The following TRIOBP variants were observed in gnomAD, a reference collection of about 807,000 sequenced individuals.
The protein encoded by TRIOBP is TRIO and F-actin binding protein.
TRIOBP carries 169 observed loss-of-function variants against 238.8 expected under a neutral mutation model. The ratio of observed to expected loss-of-function variants is 0.71; its 90% confidence interval spans 0.62 to 0.80. TRIOBP has a LOEUF of 0.80. Ranked by LOEUF, TRIOBP falls within the 30% of genes least tolerant of loss-of-function variation. The probability of loss-of-function intolerance (pLI) is 0.00; values close to 1 mark genes in which losing one functional copy is unlikely to be tolerated. For synonymous variants in TRIOBP, 1,150 were observed against 1,274.4 expected (o/e 0.90, Z 2.08); for missense variants, 2,838 against 3,122.6 (o/e 0.91, Z 2.17).
chr22:37,756,322 G>A (rs749664198), intron 15 of TRIOBP, among the ~76,000 whole-genome samples: 77 of 152,098 alleles, frequency 5.1e-4, no homozygotes, highest in Non-Finnish European at 1.3e-4. Context: ...TCAGCTGGCC[G>A]TGGTAGGGTG....
chr22:37,746,232 A>AT, intron 11 of TRIOBP: 1 of 1,080,920 alleles, frequency 9.3e-7, no homozygotes, highest in African/African-American at 1.7e-5. Flanking sequence ...AAAAAAAAAA[A>AT]GTTTTATGGG....
chr22:37,700,092 G>T (rs904615781), intron 2 of TRIOBP, among the ~76,000 whole-genome samples: 1 of 151,426 alleles, frequency 6.6e-6, no homozygotes, highest in Non-Finnish European at 1.5e-5. Flanking sequence ...GGCCAGGCTG[G>T]TCTTGAACTC....
At chr22:37,709,938 C>A (rs766595079) in intron 3 of TRIOBP, among the ~76,000 whole-genome samples, 1 of 152,226 alleles carries the variant, frequency 6.6e-6, no homozygotes, top group Non-Finnish European at 1.5e-5. Flanking sequence ...TCCCTCAGAC[C>A]TCTCCCTTCT....
chr22:37,723,506 AGG>A lies in TRIOBP; in HGVS notation c.951_952del (p.Asp318HisfsTer3), dbSNP rs1217068355. 6.8e-6 allele frequency: 11 copies of A among 1,613,098 alleles called. No individual in the cohort carries two copies. The highest frequency in any genetic ancestry group is 9.3e-6 in the Non-Finnish European group (11 of 1,179,712). On this transcript the variant is annotated frameshift_variant, in exon 7 of 24. Coordinates refer to ENST00000644935, the MANE Select transcript of TRIOBP (RefSeq NM_001039141.3). LOFTEE classifies it high-confidence loss of function. ...ACCTCCAGGGCCTCATCCACCCAAG[AGG>A]ACACCCCTAGGGCCTCATCCACCCA...
chr22:37,719,491 T>C (rs1411261104), intron 6 of TRIOBP, among the ~76,000 whole-genome samples: 1 of 152,060 alleles, frequency 6.6e-6, no homozygotes, highest in East Asian at 1.9e-4. Flanking sequence ...GATGGAGATG[T>C]GGCATCTTCA....
chr22:37,746,072 G>C, intron 11 of TRIOBP: 7 of 460,646 alleles, frequency 1.5e-5, no homozygotes, highest in Non-Finnish European at 1.9e-5. Context: ...CCGCCGCCCC[G>C]CCGCCCTAGC....
At chr22:37,726,967 TGCAATCTCG>T (rs1345307471) in intron 7 of TRIOBP, among the ~76,000 whole-genome samples, 1 of 151,276 alleles carries the variant, frequency 6.6e-6, no homozygotes, top group Admixed American at 6.6e-5. Context: ...AGCGCAATGG[TGCAATCTCG>T]GCTCACTGCA....
chr22:37,765,664 C>T lies in TRIOBP; in HGVS notation c.6325-6C>T. ...AGCCTGTGACACCCTGGCGTCCGGC[C>T]CACAGGAGGCATGTGAGCGCAGCCT... On this transcript the variant is annotated splice_polypyrimidine_tract_variant and splice_region_variant and intron_variant, in intron 17 of 23. Coordinates refer to ENST00000644935, the MANE Select transcript of TRIOBP (RefSeq NM_001039141.3). 6.5e-7 allele frequency: 1 copy of T among 1,549,572 alleles called. No homozygotes were observed. Among genetic ancestry groups the T allele is most frequent in the Non-Finnish European group, 8.7e-7 (1 of 1,147,016 alleles).
rs771274792 is a variant in TRIOBP at position 37,726,347 on chromosome 22, A to G, written c.3791A>G (p.Asn1264Ser). ...GSAPPGETRH[N>S]LEREEYTVLA... ...GCGCCTCCCGGGGAGACCAGGCACA[A>G]CTTGGAGCGGGAGGAGTACACTGTG... is the stretch of plus-strand genomic sequence containing the variant. The change falls in exon 7 of 24, where the codon AAC becomes AGC. Residue 1264 changes from asparagine (N) to serine (S), a missense_variant. Around this residue, in one of 5 missense-constraint regions of TRIOBP, gnomAD observed 2,096 missense variants for 2,137.4 expected, o/e 0.98. Transcript: ENST00000644935. 2 of 1,610,122 alleles carry G rather than the reference A, an allele frequency of 1.2e-6. No homozygotes were observed.
rs766568794 is a variant in TRIOBP, at chr22:37,755,095, C to A, written c.5488-6C>A. 9.1e-5 allele frequency: 146 copies of A among 1,595,704 alleles called. No individual in the cohort carries two copies. The highest frequency in any genetic ancestry group is 1.2e-4 in the Non-Finnish European group (141 of 1,171,730). On this transcript the variant is annotated splice_polypyrimidine_tract_variant and splice_region_variant and intron_variant, in intron 13 of 23. Transcript: ENST00000644935. ...ACACGGACCATAGTGGGCCCTCTTG[C>A]TCCAGGCAGATGAGCTGGATGGTGA...
intron 17 of TRIOBP, 126 bp downstream of exon 17, chr22:37,759,390 G>C: frequency 7.9e-7 from 1 of 1,267,864 alleles, no homozygotes; most frequent in East Asian, 2.3e-5. Context: ...CATTTGACAT[G>C]CGTCATCTCA....
intron 6 of TRIOBP, among the ~76,000 whole-genome samples, chr22:37,717,193 C>CGCA (rs764540394): frequency 1.4e-4 from 21 of 152,120 alleles, no homozygotes; most frequent in Non-Finnish European, 3.1e-4. Context: ...GAGACGCGTC[C>CGCA]GCAGTTGTTC....
chr22:37,757,745 T>C lies in TRIOBP; in HGVS notation c.5820T>C (p.Arg1940=). ...RGGPRKADGQ[R]QALDYVELSP... is the part of the protein sequence containing the mutation. ...GCCCTCGGAAGGCGGACGGGCAGCG[T>C]CAGGCCTTGGACTACGTGGAGCTCT... Residue 1940 remains arginine, a synonymous_variant, in exon 16 of 24, where the codon CGT becomes CGC. Coordinates refer to ENST00000644935, the MANE Select transcript of TRIOBP (RefSeq NM_001039141.3). 1 of 1,568,262 alleles carries C rather than the reference T, an allele frequency of 6.4e-7. No homozygotes were observed. The highest frequency in any genetic ancestry group is 1.2e-5 in the South Asian group (1 of 85,672).
chr22:37,752,042 A>G (rs930894156), intron 12 of TRIOBP, among the ~76,000 whole-genome samples: 1 of 152,182 alleles, frequency 6.6e-6, no homozygotes, highest in African/African-American at 2.4e-5. Flanking sequence ...CCTCACACCC[A>G]GTGCCCCATC....
intron 19 of TRIOBP, among the ~76,000 whole-genome samples, chr22:37,768,556 C>T (rs1926612443): frequency 6.6e-6 from 1 of 152,178 alleles, no homozygotes; most frequent in Admixed American, 6.5e-5. Flanking sequence ...CACATTGGCT[C>T]ATGCCTGTAA....
At position 37,752,306 on chromosome 22, in the gene TRIOBP, A is replaced by G. The variant is rs571008069; in HGVS notation, c.5379+478A>G. The stretch of plus-strand genomic sequence containing the variant: ...GACATGGGCATAATGGATAATGGTG[A>G]TTCTTTCTAGAGTGGATAACAAGGT... On this transcript the variant is annotated intron_variant, in intron 12 of 23. Coordinates refer to ENST00000644935, the MANE Select transcript of TRIOBP (RefSeq NM_001039141.3). Among the ~76,000 whole-genome samples the G allele has an allele frequency of 5.4e-4, 82 of 152,292 alleles. 1 individual carries two copies. Among genetic ancestry groups the G allele is most frequent in the African/African-American group, 1.9e-3 (80 of 41,542 alleles).
At chr22:37,726,783 A>C (rs1450528905) in intron 7 of TRIOBP, among the ~76,000 whole-genome samples, 2 of 152,204 alleles carry the variant, frequency 1.3e-5, no homozygotes, top group Admixed American at 1.3e-4. Flanking sequence ...TCAAAGCCAC[A>C]TGTCAACTCG....
At chr22:37,767,523 A>C (rs571904004) in intron 18 of TRIOBP, among the ~76,000 whole-genome samples, 2 of 152,286 alleles carry the variant, frequency 1.3e-5, no homozygotes, top group Non-Finnish European at 2.9e-5. Flanking sequence ...CACACCTTCC[A>C]ATAACCCCAT....
rs57293518 is a variant in TRIOBP, at chr22:37,773,904, CCACACA to C, written c.*153_*158del. 1,193 of 143,134 alleles carry C rather than the reference CCACACA, an allele frequency of 8.3e-3. 11 individuals are homozygous for C. The highest frequency in any genetic ancestry group is 0.035 in the Admixed American group (503 of 14,478). The allele number at this position is 143,134 out of a possible 1,614,324, so 8.9% of individuals were successfully genotyped here. Reference sequence around the variant, plus strand: ...TGGGCCACACGTGCACTTGCACCCACCACACACACACACACACACACACACACACAC... The same window carrying C: ...TGGGCCACACGTGCACTTGCACCCACCACACACACACACACACACACACAC... On this transcript the variant is annotated 3_prime_UTR_variant, in exon 24 of 24. Coordinates refer to ENST00000644935, the MANE Select transcript of TRIOBP (RefSeq NM_001039141.3).
Sources: gnomAD v4.1 joint callset for allele counts (sites outside exome capture counted in the v4.1 genomes callset) on GRCh38, gnomAD v4.1.1 for gene constraint, gnomAD v4.1.1 regional missense constraint, MANE v1.5 for transcripts, NCBI Gene and HGNC (gene_info 2026-07-23, HGNC 2026-07-21) for gene names.